The following PLPP1 variants were observed in gnomAD, a reference collection of about 807,000 sequenced individuals.
PLPP1 encodes phospholipid phosphatase 1.
Under a neutral mutation model 31.2 loss-of-function variants are expected in PLPP1, and 24 were observed. The ratio of observed to expected loss-of-function variants is 0.77; its 90% CI spans 0.56 to 1.08. The LOEUF (loss-of-function observed/expected upper bound fraction) is 1.08, where lower values mean the gene tolerates loss of function less well. Ranked by LOEUF, PLPP1 falls within the 50% of genes least tolerant of loss-of-function variation. The pLI is 0.00. For synonymous variants in PLPP1, 146 were observed against 126.3 expected, an observed-to-expected ratio of 1.16 and a Z score of -1.05; for missense variants, 319 against 342.7, an observed-to-expected ratio of 0.93 and a Z score of 0.55.
intron 1 of PLPP1, among the ~76,000 whole-genome samples, chr5:55,530,860 A>C (rs1262493570): frequency 3.3e-5 from 5 of 152,176 alleles, no homozygotes; most frequent in South Asian, 4.1e-4. Context: ...GGCCGCGGAG[A>C]GGTCCTCAGC....
intron 1 of PLPP1, among the ~76,000 whole-genome samples, chr5:55,530,964 C>T (rs1274576623): frequency 2.6e-5 from 4 of 152,190 alleles, no homozygotes; most frequent in South Asian, 2.1e-4. Flanking sequence ...GTGACGGTGA[C>T]GGCCCGGGGC....
Position 55,521,099 on chromosome 5 carries a change from T to C in PLPP1, c.58+13473A>G, listed in dbSNP as rs1753655597. Among the ~76,000 whole-genome samples, 2 of 152,108 alleles carry C rather than the reference T, an allele frequency of 1.3e-5. 1 individual carries two copies. Among genetic ancestry groups the C allele is most frequent in the African/African-American group, 4.8e-5 (2 of 41,414 alleles). ...TGGGGGCGGTGGCTCATGCCTGTAATCTCAGCATTCTGGGAGGCTGAGGTG... is the reference window on the plus strand; with the variant it reads ...TGGGGGCGGTGGCTCATGCCTGTAACCTCAGCATTCTGGGAGGCTGAGGTG... On this transcript the variant is annotated intron_variant, in intron 1 of 5. Transcript: ENST00000307259.
At chr5:55,503,515 C>T (rs1427721053) in intron 1 of PLPP1, among the ~76,000 whole-genome samples, 2 of 151,930 alleles carry the variant, frequency 1.3e-5, no homozygotes, top group African/African-American at 4.8e-5. Context: ...GTAGTTCATG[C>T]CTGTAATCTC....
chr5:55,528,319 A>T (rs979724654), intron 1 of PLPP1, among the ~76,000 whole-genome samples: 2 of 152,194 alleles, frequency 1.3e-5, no homozygotes, highest in African/African-American at 4.8e-5. Context: ...AATGGAGCAG[A>T]TCTAAGACAA....
intron 1 of PLPP1, among the ~76,000 whole-genome samples, chr5:55,527,221 C>A (rs1021857076): frequency 6.6e-6 from 1 of 152,094 alleles, no homozygotes; most frequent in Non-Finnish European, 1.5e-5. Context: ...AACAAAGGGA[C>A]CGCTCCTTAG....
intron 1 of PLPP1, among the ~76,000 whole-genome samples, chr5:55,502,543 C>T (rs572192866): frequency 3.4e-4 from 51 of 151,884 alleles, no homozygotes; most frequent in African/African-American, 1.2e-3. Context: ...AGCTACTAGT[C>T]ACATGAGGCT....
At position 55,424,919 on chromosome 5, in the gene PLPP1, TTACA is replaced by T. The variant is rs1751127488; in HGVS notation, c.*283_*286del. ...TCAAACATCATTCATAGAAAGCATATTACATACATGTTTATACATAAGCATTACA... is the reference window on the plus strand; with the variant it reads ...TCAAACATCATTCATAGAAAGCATATTACATGTTTATACATAAGCATTACA... On this transcript the variant is annotated 3_prime_UTR_variant, in exon 6 of 6. Coordinates refer to ENST00000307259, the MANE Select transcript of PLPP1 (RefSeq NM_003711.4). The T allele has an allele frequency of 1.4e-5, 9 of 653,302 alleles. No homozygotes were observed. The highest frequency in any genetic ancestry group is 2.6e-4 in the Middle Eastern group (1 of 3,830). 40.5% of individuals were successfully genotyped at this position (653,302 alleles called of 1,614,324 possible). A position where few individuals can be genotyped will look rare whatever the true frequency, so the allele number is the denominator to read the frequency against.
At chr5:55,505,447 C>CA (rs35040837) in intron 1 of PLPP1, among the ~76,000 whole-genome samples, 95,237 of 144,160 alleles carry the variant, frequency 0.66, 32,024 homozygotes, top group Non-Finnish European at 0.77. Flanking sequence ...TATACACACG[C>CA]AAAAAAAAAA....
Position 55,475,292 on chromosome 5 carries a change from A to T in PLPP1, c.210+7T>A. The T allele has an allele frequency of 6.3e-7, 1 of 1,597,560 alleles. No homozygotes were observed. The highest frequency in any genetic ancestry group is 8.5e-7 in the Non-Finnish European group (1 of 1,174,436). ...GTTATAAACTTGGAAAAGTGGATTT[A>T]ACTTACAACGATAATACTGAATGGA... On this transcript the variant is annotated splice_region_variant and intron_variant, in intron 2 of 5. Transcript: ENST00000307259.
At chr5:55,502,886 T>C (rs368810522) in intron 1 of PLPP1, among the ~76,000 whole-genome samples, 4 of 152,306 alleles carry the variant, frequency 2.6e-5, no homozygotes, top group African/African-American at 9.6e-5. Flanking sequence ...TATCACTGCT[T>C]CATCCTTCAA....
chr5:55,500,110 C>T (rs1393673448), intron 1 of PLPP1, among the ~76,000 whole-genome samples: 32 of 144,356 alleles, frequency 2.2e-4, no homozygotes, highest in East Asian at 6.0e-4. Flanking sequence ...GACAGAGTCT[C>T]GCTCTGTCAC....
At chr5:55,519,194 A>G (rs919603890) in intron 1 of PLPP1, among the ~76,000 whole-genome samples, 1 of 152,226 alleles carries the variant, frequency 6.6e-6, no homozygotes, top group African/African-American at 2.4e-5. Flanking sequence ...CACACTAGCC[A>G]TAAAGTTGAA....
At chr5:55,471,829 G>A (rs1210533600) in intron 2 of PLPP1, among the ~76,000 whole-genome samples, 1 of 152,128 alleles carries the variant, frequency 6.6e-6, no homozygotes, top group Non-Finnish European at 1.5e-5. Context: ...TTTTAAATGA[G>A]CACATAAGGC....
intron 1 of PLPP1, among the ~76,000 whole-genome samples, chr5:55,525,996 CT>C (rs1327809231): frequency 6.6e-6 from 1 of 151,810 alleles, no homozygotes; most frequent in African/African-American, 2.4e-5. Context: ...TTCCAAATTT[CT>C]TTCCATAAAA....
chr5:55,425,399 T>A lies in PLPP1; in HGVS notation c.727-65A>T, dbSNP rs527598740. On this transcript the variant is annotated intron_variant, in intron 5 of 5. Coordinates refer to ENST00000307259, the MANE Select transcript of PLPP1 (RefSeq NM_003711.4). ...TTAAAAACTACATACAAAGTTGTGA[T>A]CAACAGCATCCTAAGATAAATATAA... 75 of 1,391,206 alleles carry A rather than the reference T, an allele frequency of 5.4e-5. No individual in the cohort carries two copies. The East Asian group carries it at 1.5e-3, about 28-fold the overall frequency. 86.2% of individuals were successfully genotyped at this position (1,391,206 alleles called of 1,614,324 possible). A position where few individuals can be genotyped will look rare whatever the true frequency, so the allele number is the denominator to read the frequency against.
At chr5:55,466,146 TAAGA>T (rs1339299957) in intron 3 of PLPP1, among the ~76,000 whole-genome samples, 1 of 152,194 alleles carries the variant, frequency 6.6e-6, no homozygotes, top group East Asian at 1.9e-4. Context: ...CCTCCTTCAT[TAAGA>T]CTTTACACCC....
chr5:55,513,024 T>A (rs1753472814), intron 1 of PLPP1, among the ~76,000 whole-genome samples: 2 of 152,188 alleles, frequency 1.3e-5, no homozygotes, highest in South Asian at 4.1e-4. Context: ...GTCCGGGTAT[T>A]ATTTAAGCTT....
rs1177496493 is a variant in PLPP1, at chr5:55,468,021, C to A, written c.339G>T (p.Gln113His). The change falls in exon 3 of 6, where the codon CAG (glutamine) becomes CAT (histidine). Residue 113 changes from glutamine to histidine, a missense_variant. Transcript: ENST00000307259. ...AATACTTGGCAATGTCAGTCAGGGA[C>A]TGACTAGCAGCTGCACCAAATAAAA... is the stretch of plus-strand genomic sequence containing the variant. ...GTFLFGAAAS[Q>H]SLTDIAKYSI... The A allele has an allele frequency of 1.2e-6, 2 of 1,614,158 alleles. No individual in the cohort carries two copies.
At chr5:55,434,132 CAAAAA>C (rs528979124) in intron 4 of PLPP1, among the ~76,000 whole-genome samples, 1 of 53,046 alleles carries the variant, frequency 1.9e-5, no homozygotes, top group Non-Finnish European at 4.0e-5. Flanking sequence ...GACTCTGTCT[CAAAAA>C]AAAAAAAAAA....
Sources: allele counts gnomAD v4.1 joint callset (sites outside exome capture counted in the v4.1 genomes callset), GRCh38; gene constraint gnomAD v4.1.1; transcripts MANE v1.5; gene names NCBI Gene and HGNC (gene_info 2026-07-23, HGNC 2026-07-21).